The following NCOA2 variants were observed in gnomAD, a reference collection of about 807,000 sequenced individuals.
The protein encoded by NCOA2 is nuclear receptor coactivator 2.
NCOA2 carries 21 observed loss-of-function variants against 145.1 expected under a neutral mutation model. The ratio of observed to expected loss-of-function variants is 0.14; its 90% CI spans 0.10 to 0.21. The LOEUF (loss-of-function observed/expected upper bound fraction) is 0.21. Ranked by LOEUF, NCOA2 falls within the 10% of genes least tolerant of loss-of-function variation. The pLI is 1.00. For missense variants in NCOA2, 1,472 were observed against 1,837.6 expected, an observed-to-expected ratio of 0.80 and a Z score of 3.64; for synonymous variants, 619 against 637.5, an observed-to-expected ratio of 0.97 and a Z score of 0.44.
intron 4 of NCOA2, among the ~76,000 whole-genome samples, chr8:70,208,241 G>A (rs1818664150): frequency 6.6e-6 from 1 of 151,322 alleles, no homozygotes; most frequent in Non-Finnish European, 1.5e-5. Flanking sequence ...TCAATTCTAT[G>A]AGAAGATGCA....
intron 4 of NCOA2, among the ~76,000 whole-genome samples, chr8:70,206,446 T>A (rs1428477781): frequency 6.6e-6 from 1 of 152,210 alleles, no homozygotes; most frequent in Non-Finnish European, 1.5e-5. Flanking sequence ...AATGAGAAAT[T>A]TTATAGTTTT....
At chr8:70,291,546 C>T (rs1826679444) in intron 2 of NCOA2, among the ~76,000 whole-genome samples, 1 of 152,164 alleles carries the variant, frequency 6.6e-6, no homozygotes. Flanking sequence ...ATTCTAAATA[C>T]ATGATTTCCA....
chr8:70,423,489 C>A, the NCOA2 span, among the ~76,000 whole-genome samples: 6 of 152,178 alleles, frequency 3.9e-5, no homozygotes, highest in South Asian at 1.2e-3. Flanking sequence ...TTTATACTTT[C>A]TAATTGAATC....
At chr8:70,227,396 T>C (rs544360217) in intron 2 of NCOA2, among the ~76,000 whole-genome samples, 2 of 152,354 alleles carry the variant, frequency 1.3e-5, no homozygotes, top group South Asian at 4.1e-4. Flanking sequence ...ATAGGCTGTT[T>C]TGGCAGTGTA....
intron 1 of NCOA2, among the ~76,000 whole-genome samples, chr8:70,370,030 G>GC (rs1811070163): frequency 6.6e-6 from 1 of 151,860 alleles, no homozygotes; most frequent in South Asian, 2.1e-4. Context: ...AGACCACAGG[G>GC]GTGTGCCACC....
rs114066608 is a variant in NCOA2 at position 70,223,726 on chromosome 8, G to A, written c.-19-6962C>T. Among the ~76,000 whole-genome samples the A allele has an allele frequency of 5.9e-3, 893 of 152,216 alleles. 5 individuals are homozygous for A. The highest frequency in any genetic ancestry group is 0.02 in the African/African-American group (831 of 41,522). ...CTGATTATCACCATTGTATAGATGA[G>A]GAAATTGAGGTACACGAGAAATAAA... On this transcript the variant is annotated intron_variant, in intron 2 of 22. Transcript: ENST00000452400.
intron 1 of NCOA2, among the ~76,000 whole-genome samples, chr8:70,395,993 C>T (rs557120952): frequency 3.3e-5 from 5 of 152,216 alleles, no homozygotes; most frequent in Admixed American, 2.0e-4. Flanking sequence ...AAGCTCTCCG[C>T]GCTCCGTGCA....
At chr8:70,328,899 T>A (rs1455215266) in intron 1 of NCOA2, among the ~76,000 whole-genome samples, 2 of 152,172 alleles carry the variant, frequency 1.3e-5, no homozygotes, top group African/African-American at 4.8e-5. Context: ...AAAAACTGTT[T>A]GGTAGTACCT....
At chr8:70,406,746 T>C (rs1814788096), upstream of NCOA2, among the ~76,000 whole-genome samples, 1 of 152,216 alleles carries the variant, frequency 6.6e-6, no homozygotes, top group Admixed American at 6.5e-5. Context: ...TATTTTTGTC[T>C]GCCTTTTCTT....
chr8:70,414,986 A>C, the NCOA2 span, among the ~76,000 whole-genome samples: 2 of 152,048 alleles, frequency 1.3e-5, no homozygotes, highest in Non-Finnish European at 2.9e-5. Flanking sequence ...TTCAGTGAAA[A>C]TTTGTTCAGT....
At chr8:70,425,875 CT>C in the NCOA2 span, among the ~76,000 whole-genome samples, 1 of 152,138 alleles carries the variant, frequency 6.6e-6, no homozygotes, top group Non-Finnish European at 1.5e-5. Flanking sequence ...CTAGGACTGC[CT>C]GCTCCCCAGC....
intron 1 of NCOA2, among the ~76,000 whole-genome samples, chr8:70,320,461 G>GT (rs1439481823): frequency 1.3e-5 from 2 of 152,054 alleles, no homozygotes; most frequent in Admixed American, 6.5e-5. Context: ...AAGGAATGTG[G>GT]TTTTTTGGTA....
chr8:70,117,575 G>A (rs1280322965), intron 22 of NCOA2, among the ~76,000 whole-genome samples: 2 of 152,228 alleles, frequency 1.3e-5, no homozygotes, highest in Admixed American at 6.5e-5. Flanking sequence ...CACCAAAGAA[G>A]AAAATTATCC....
chr8:70,194,524 T>C lies in NCOA2; in HGVS notation c.259+19379A>G, dbSNP rs555465101. ...AGATCTTATGATGGACAACAGAACA[T>C]TCACTCTGACAGAAAAATTCCTCAT... On this transcript the variant is annotated intron_variant, in intron 4 of 22. Transcript: ENST00000452400. 7.2e-5 allele frequency among the ~76,000 whole-genome samples: 11 copies of C among 152,262 alleles called. No homozygotes were observed. In the South Asian group the frequency reaches 1.9e-3, roughly 26 times the overall value.
chr8:70,243,843 CA>C (rs1822380801), intron 2 of NCOA2, among the ~76,000 whole-genome samples: 1 of 149,744 alleles, frequency 6.7e-6, no homozygotes, highest in Non-Finnish European at 1.5e-5. Flanking sequence ...AAAAAAATCC[CA>C]AATTAACTGC....
chr8:70,363,244 G>A (rs1194606652), intron 1 of NCOA2, among the ~76,000 whole-genome samples: 11 of 151,854 alleles, frequency 7.2e-5, no homozygotes, highest in African/African-American at 2.4e-4. Context: ...TTAGCCGGAC[G>A]TGGTGGCGGG....
chr8:70,201,940 G>A (rs747392323), intron 4 of NCOA2, among the ~76,000 whole-genome samples: 3 of 151,978 alleles, frequency 2.0e-5, no homozygotes, highest in African/African-American at 4.8e-5. Context: ...GAATCTCCCC[G>A]CTCCCATTTT....
At chr8:70,243,791 GAA>G (rs200949977) in intron 2 of NCOA2, among the ~76,000 whole-genome samples, 38 of 99,542 alleles carry the variant, frequency 3.8e-4, no homozygotes, top group East Asian at 1.6e-3. Flanking sequence ...ATAAAAAATG[GAA>G]AAAAAAAAAA....
upstream of NCOA2, among the ~76,000 whole-genome samples, chr8:70,405,769 C>T (rs1043359921): frequency 8.5e-5 from 13 of 152,142 alleles, no homozygotes; most frequent in African/African-American, 3.1e-4. Flanking sequence ...CCTCTGCAAT[C>T]GTAGATTTCA....
Sources: gnomAD v4.1 joint callset for allele counts (sites outside exome capture counted in the v4.1 genomes callset) on GRCh38, gnomAD v4.1.1 for gene constraint, MANE v1.5 for transcripts, NCBI Gene and HGNC (gene_info 2026-07-23, HGNC 2026-07-21) for gene names.